INTS12: variants seen among roughly 807,000 people sequenced by gnomAD.
The protein encoded by INTS12 is integrator complex subunit 12.
A neutral mutation model predicts 41.6 loss-of-function variants in INTS12; 13 were observed. That is an observed-to-expected ratio of 0.31 (90% CI 0.20 to 0.50). The LOEUF (loss-of-function observed/expected upper bound fraction) is 0.50. Among genes scored for constraint, INTS12 ranks in the 20% least tolerant of loss-of-function variants. INTS12 has a pLI of 0.98. For missense variants in INTS12, 432 were observed against 541.6 expected, an observed-to-expected ratio of 0.80 and a Z score of 2.01; for synonymous variants, 199 against 191.4, an observed-to-expected ratio of 1.04 and a Z score of -0.33.
chr4:105,702,388 G>A (rs900282671), intron 2 of INTS12, among the ~76,000 whole-genome samples: 3 of 151,914 alleles, frequency 2.0e-5, no homozygotes, highest in Non-Finnish European at 2.9e-5. Context: ...CACCCGCCTC[G>A]GCCTCCCAAA....
rs777522465 is a variant in INTS12, at chr4:105,691,994, G to A, written c.639C>T (p.Thr213=). The A allele has an allele frequency of 2.2e-5, 34 of 1,556,878 alleles. No homozygotes were observed. The highest frequency in any genetic ancestry group is 8.4e-5 in the African/African-American group (6 of 71,242). The change falls in exon 6 of 8, where the codon ACC becomes ACT. Residue 213 remains threonine (T), a synonymous_variant. Coordinates refer to ENST00000340139, the MANE Select transcript of INTS12 (RefSeq NM_020395.4). ...TTCCTACCATTCTTTTCATTTGTCT[G>A]GTACATCGGGCACAATACCACACCA... ...PRLVWYCARC[T]RQMKRMAQKT...
At chr4:105,686,882 A>G in intron 6 of INTS12, 44 bp from the exon 7 acceptor site, 1 of 1,547,564 alleles carries the variant, frequency 6.5e-7, no homozygotes, top group Non-Finnish European at 8.9e-7. Context: ...ATCTTAACTG[A>G]ATATACAGAA....
intron 7 of INTS12, among the ~76,000 whole-genome samples, chr4:105,684,982 G>A (rs1301654026): frequency 6.6e-6 from 1 of 152,062 alleles, no homozygotes; most frequent in Non-Finnish European, 1.5e-5. Flanking sequence ...CAGGATGACA[G>A]ATGGTTTATA....
At chr4:105,708,445 C>T in intron 1 of INTS12, 193 bp downstream of exon 1, 1 of 985,476 alleles carries the variant, frequency 1.0e-6, no homozygotes, top group Non-Finnish European at 1.2e-6. Flanking sequence ...GCCCGCAACT[C>T]CCTCGGAGGA....
intron 4 of INTS12, among the ~76,000 whole-genome samples, chr4:105,694,901 A>G (rs933730447): frequency 6.6e-6 from 1 of 151,886 alleles, no homozygotes; most frequent in Non-Finnish European, 1.5e-5. Flanking sequence ...ATTTACATCT[A>G]TACTCTTTCC....
chr4:105,683,939 C>T (rs1012335390), intron 7 of INTS12, among the ~76,000 whole-genome samples: 7 of 152,086 alleles, frequency 4.6e-5, no homozygotes, highest in African/African-American at 1.7e-4. Context: ...TGGAAGTGTA[C>T]AATTTTTATG....
chr4:105,701,623 A>G (rs1732076451), intron 2 of INTS12, among the ~76,000 whole-genome samples: 1 of 152,206 alleles, frequency 6.6e-6, no homozygotes, highest in African/African-American at 2.4e-5. Context: ...ATACAAGGGT[A>G]ACAGCCTAAT....
intron 4 of INTS12, among the ~76,000 whole-genome samples, chr4:105,694,597 C>G (rs1731797021): frequency 6.6e-6 from 1 of 152,124 alleles, no homozygotes; most frequent in South Asian, 2.1e-4. Flanking sequence ...TCCCAAAGTG[C>G]TGGGATTACA....
chr4:105,692,387 G>A (rs1385295465), intron 5 of INTS12, among the ~76,000 whole-genome samples: 1 of 151,018 alleles, frequency 6.6e-6, no homozygotes, highest in Admixed American at 6.6e-5. Context: ...AGGAGGCTGA[G>A]GCAGGAGAAT....
intron 3 of INTS12, 114 bp from the exon 4 acceptor site, chr4:105,695,782 T>C: frequency 1.3e-6 from 1 of 792,900 alleles, no homozygotes; most frequent in Non-Finnish European, 2.0e-6. Flanking sequence ...TTATAACCAA[T>C]GTAATATTCC....
chr4:105,703,001 C>T, intron 2 of INTS12: 1 of 971,088 alleles, frequency 1.0e-6, no homozygotes, highest in Non-Finnish European at 1.2e-6. Flanking sequence ...AAGAGGTCAG[C>T]AACTTGGTGT....
intron 1 of INTS12, chr4:105,707,767 A>T (rs1389500273): frequency 1.2e-5 from 2 of 171,802 alleles, no homozygotes; most frequent in Non-Finnish European, 2.3e-5. Flanking sequence ...CTTGAAACTT[A>T]ATAAGGGCTC....
rs1731582950 is a variant in INTS12 at position 105,688,875 on chromosome 4, C to T, written c.658-2037G>A. On this transcript the variant is annotated intron_variant, in intron 6 of 7. Coordinates refer to ENST00000340139, the MANE Select transcript of INTS12 (RefSeq NM_020395.4). ...GAAACTGAGTAAGAAATACCCACAACCCTTTGTCCTTTACTGGTAATACTA... is the reference window on the plus strand; with the variant it reads ...GAAACTGAGTAAGAAATACCCACAATCCTTTGTCCTTTACTGGTAATACTA... Among the ~76,000 whole-genome samples the T allele has an allele frequency of 2.0e-5, 3 of 152,236 alleles. No individual in the cohort carries two copies. The South Asian group carries it at 6.2e-4, about 31-fold the overall frequency.
intron 6 of INTS12, among the ~76,000 whole-genome samples, 179 bp downstream of exon 6, chr4:105,691,797 T>C (rs1731695992): frequency 6.6e-6 from 1 of 152,212 alleles, no homozygotes; most frequent in Admixed American, 6.5e-5. Flanking sequence ...GCACATAACA[T>C]GGTCTGGTCT....
At chr4:105,701,533 C>T (rs557275646) in intron 2 of INTS12, among the ~76,000 whole-genome samples, 26 of 152,186 alleles carry the variant, frequency 1.7e-4, no homozygotes, top group Non-Finnish European at 3.5e-4. Flanking sequence ...GGGCTGGTCA[C>T]CATGTACGTT....
chr4:105,708,436 C>G (rs1304396865), intron 1 of INTS12: 12 of 985,336 alleles, frequency 1.2e-5, no homozygotes, highest in Non-Finnish European at 1.4e-5. Flanking sequence ...CATGTCCCGG[C>G]CCGCAACTCC....
intron 4 of INTS12, among the ~76,000 whole-genome samples, chr4:105,694,204 T>G (rs910603528): frequency 6.6e-6 from 1 of 152,178 alleles, no homozygotes; most frequent in Admixed American, 6.5e-5. Context: ...GATAAACTGG[T>G]ATTATGTAGT....
intron 2 of INTS12, chr4:105,702,943 G>A (rs965997577): frequency 1.6e-5 from 16 of 984,540 alleles, no homozygotes; most frequent in Middle Eastern, 1.0e-3. Context: ...CTTCCTTACC[G>A]GCAAATATCC....
At chr4:105,687,188 G>A in intron 6 of INTS12, 1 of 238,338 alleles carries the variant, frequency 4.2e-6, no homozygotes, top group Admixed American at 5.2e-5. Flanking sequence ...TTTCTCATTG[G>A]GGTTTGTCAA....
Sources: allele counts gnomAD v4.1 joint callset (sites outside exome capture counted in the v4.1 genomes callset), GRCh38; gene constraint gnomAD v4.1.1; transcripts MANE v1.5; gene names NCBI Gene and HGNC (gene_info 2026-07-23, HGNC 2026-07-21).